The following KLHL8 variants were observed in gnomAD, a reference collection of about 807,000 sequenced individuals.
KLHL8 encodes kelch like family member 8, also known as kelch-like protein 8.
Under a neutral mutation model 63.5 loss-of-function variants are expected in KLHL8, and 38 were observed. That is an observed-to-expected ratio of 0.60 (90% CI 0.46 to 0.78). The LOEUF is 0.78. KLHL8 is among the 30% of genes least tolerant of loss of function. The pLI is 0.00. For missense variants in KLHL8, 566 were observed against 752.4 expected (o/e 0.75, Z 2.90); for synonymous variants, 224 against 254.3 (o/e 0.88, Z 1.13).
intron 2 of KLHL8, among the ~76,000 whole-genome samples, chr4:87,187,789 T>C (rs894114461): frequency 1.1e-4 from 17 of 152,170 alleles, no homozygotes; most frequent in Non-Finnish European, 4.4e-5. Flanking sequence ...TAATACAGTA[T>C]TTATCCCATT....
chr4:87,191,369 G>C (rs1279247705), intron 2 of KLHL8, among the ~76,000 whole-genome samples: 8 of 152,060 alleles, frequency 5.3e-5, no homozygotes, highest in Non-Finnish European at 8.8e-5. Context: ...CTCAGGGGGT[G>C]GAGTAGGGTT....
intron 1 of KLHL8, among the ~76,000 whole-genome samples, chr4:87,218,817 C>T (rs1200697407): frequency 6.6e-6 from 1 of 152,082 alleles, no homozygotes; most frequent in African/African-American, 2.4e-5. Context: ...TCACTGCAAC[C>T]TCCGCCTCCC....
Position 87,195,376 on chromosome 4 carries a change from C to A in KLHL8, c.164G>T (p.Gly55Val), listed in dbSNP as rs1009547767. 1 of 1,613,278 alleles carries A rather than the reference C, an allele frequency of 6.2e-7. No homozygotes were observed. Among genetic ancestry groups the A allele is most frequent in the Non-Finnish European group, 8.5e-7 (1 of 1,179,912 alleles). The change falls in exon 2 of 10, where the codon GGT becomes GTT. Residue 55 changes from glycine to valine, a missense_variant. Physicochemically the swap from Gly to Val is moderately radical, Grantham distance 109. Coordinates refer to ENST00000273963, the MANE Select transcript of KLHL8 (RefSeq NM_020803.5). ...EANEAWKDFH[G>V]SLLRFYENGE... Reference sequence around the variant, plus strand: ...ATTTTCATAAAATCGAAGAAGAGAACCATGAAAATCTTTCCAAGCTTCATT... The same window carrying A: ...ATTTTCATAAAATCGAAGAAGAGAAACATGAAAATCTTTCCAAGCTTCATT...
chr4:87,178,510 G>C lies in KLHL8; in HGVS notation c.1063C>G (p.Arg355Gly). 1 of 1,611,374 alleles carries C rather than the reference G, an allele frequency of 6.2e-7. No homozygotes were observed. The highest frequency in any genetic ancestry group is 1.1e-5 in the South Asian group (1 of 90,526). The change falls in exon 5 of 10, where the codon CGA (arginine) becomes GGA (glycine). Residue 355 changes from arginine to glycine, a missense_variant. Arg to Gly is a moderately radical substitution (Grantham distance 125). Transcript: ENST00000273963. The part of the protein sequence containing the change: ...SWFFGPEMNS[R>G]RRHVGVISVE... Reference sequence around the variant, plus strand: ...GAGATTACACCCACATGTCGCCTTCGACTATTCATTTCTGGTCCAAAGAAC... The same window carrying C: ...GAGATTACACCCACATGTCGCCTTCCACTATTCATTTCTGGTCCAAAGAAC...
upstream of KLHL8, among the ~76,000 whole-genome samples, chr4:87,222,661 G>A (rs1732900719): frequency 6.6e-6 from 1 of 152,046 alleles, no homozygotes; most frequent in African/African-American, 2.4e-5. Context: ...TCAGCTCACT[G>A]CAACCTCCAC....
intron 3 of KLHL8, among the ~76,000 whole-genome samples, chr4:87,184,922 A>C (rs1045289504): frequency 6.6e-6 from 1 of 152,210 alleles, no homozygotes; most frequent in African/African-American, 2.4e-5. Flanking sequence ...ATAATTATAA[A>C]GTATATTAAT....
chr4:87,195,966 C>T (rs1040006604), intron 1 of KLHL8, among the ~76,000 whole-genome samples: 2 of 152,032 alleles, frequency 1.3e-5, no homozygotes, highest in Admixed American at 1.3e-4. Context: ...AGGCCATGAA[C>T]TAAAATTTTT....
chr4:87,185,922 C>T (rs925399686), intron 2 of KLHL8, 123 bp from the exon 3 acceptor site: 29 of 781,648 alleles, frequency 3.7e-5, no homozygotes, highest in African/African-American at 7.0e-5. Context: ...TTTTATAAGG[C>T]GATCCTTTGA....
intron 2 of KLHL8, among the ~76,000 whole-genome samples, chr4:87,188,467 A>T (rs866568987): frequency 1.6e-4 from 24 of 152,196 alleles, no homozygotes; most frequent in African/African-American, 5.5e-4. Flanking sequence ...GTTGTTTTTA[A>T]TAAGATTCTG....
upstream of KLHL8, among the ~76,000 whole-genome samples, chr4:87,225,284 CA>C (rs1732953546): frequency 6.6e-6 from 1 of 152,150 alleles, no homozygotes; most frequent in Non-Finnish European, 1.5e-5. Flanking sequence ...GCTCATCTTA[CA>C]ACTTATTTTT....
intron 8 of KLHL8, among the ~76,000 whole-genome samples, chr4:87,168,003 G>A (rs1730467130): frequency 6.6e-6 from 1 of 152,136 alleles, no homozygotes; most frequent in Non-Finnish European, 1.5e-5. Context: ...GAAGACAGAT[G>A]AAGTCAAATG....
chr4:87,212,651 T>C (rs1022943589), intron 1 of KLHL8, among the ~76,000 whole-genome samples: 4 of 152,232 alleles, frequency 2.6e-5, no homozygotes, highest in Non-Finnish European at 5.9e-5. Flanking sequence ...CATATCAGTG[T>C]TCTGGTCCAC....
chr4:87,172,366 A>G (rs913126283), intron 6 of KLHL8, among the ~76,000 whole-genome samples: 1 of 152,154 alleles, frequency 6.6e-6, no homozygotes, highest in African/African-American at 2.4e-5. Context: ...GCCTAGCCCA[A>G]TCTCTTGATT....
intron 8 of KLHL8, among the ~76,000 whole-genome samples, chr4:87,166,672 T>C (rs1285186426): frequency 6.6e-6 from 1 of 152,242 alleles, no homozygotes; most frequent in Non-Finnish European, 1.5e-5. Context: ...AGGCCCCTCC[T>C]TTGCAATATA....
intron 1 of KLHL8, among the ~76,000 whole-genome samples, chr4:87,200,036 G>A (rs902002389): frequency 6.6e-6 from 1 of 150,870 alleles, no homozygotes; most frequent in African/African-American, 2.4e-5. Flanking sequence ...AGCTACTCAG[G>A]AGGCTAAGGT....
intron 1 of KLHL8, among the ~76,000 whole-genome samples, chr4:87,215,676 A>G (rs1732568124): frequency 3.3e-5 from 5 of 152,208 alleles, no homozygotes; most frequent in Admixed American, 3.3e-4. Flanking sequence ...TACAAGGAAA[A>G]CAGGGCAAAA....
At chr4:87,199,513 T>A (rs1450740730) in intron 1 of KLHL8, among the ~76,000 whole-genome samples, 1 of 151,872 alleles carries the variant, frequency 6.6e-6, no homozygotes, top group African/African-American at 2.4e-5. Flanking sequence ...AAATGGGACA[T>A]CAAACTTTAA....
chr4:87,184,749 A>G (rs544856950), intron 3 of KLHL8, among the ~76,000 whole-genome samples: 25 of 152,138 alleles, frequency 1.6e-4, no homozygotes, highest in Non-Finnish European at 3.2e-4. Flanking sequence ...AACAGTAACA[A>G]TGAGACACAT....
At chr4:87,203,717 T>C (rs1560710655) in intron 1 of KLHL8, among the ~76,000 whole-genome samples, 1 of 150,950 alleles carries the variant, frequency 6.6e-6, no homozygotes, top group African/African-American at 2.4e-5. Context: ...ATAAAACTTT[T>C]TGAAGAAAAC....
Sources: gnomAD v4.1 joint callset for allele counts (sites outside exome capture counted in the v4.1 genomes callset) on GRCh38, gnomAD v4.1.1 for gene constraint, MANE v1.5 for transcripts, NCBI Gene and HGNC (gene_info 2026-07-23, HGNC 2026-07-21) for gene names.